The following SRRM4 variants were observed in gnomAD, a reference collection of about 807,000 sequenced individuals.
The protein encoded by SRRM4 is serine/arginine repetitive matrix 4, also known as serine/arginine repetitive matrix protein 4.
A neutral mutation model predicts 68.9 loss-of-function variants in SRRM4; 33 were observed. That is an observed-to-expected ratio of 0.48 (90% confidence interval 0.36 to 0.64). The LOEUF is 0.64. SRRM4 is among the 30% of genes least tolerant of loss of function. The pLI, the probability that SRRM4 is intolerant of heterozygous loss-of-function variation, is 0.00. For missense variants in SRRM4, 817 were observed against 827.1 expected, an observed-to-expected ratio of 0.99 and a Z score of 0.15; for synonymous variants, 318 against 318.8, an observed-to-expected ratio of 1.00 and a Z score of 0.03.
At chr12:119,088,471 A>G (rs1016248264) in intron 1 of SRRM4, among the ~76,000 whole-genome samples, 1 of 152,232 alleles carries the variant, frequency 6.6e-6, no homozygotes, top group Non-Finnish European at 1.5e-5. Context: ...AATTATAATA[A>G]TAAAACATTG....
rs1252138282 is a variant in SRRM4, at chr12:119,158,058, C to G, written c.*1260C>G. 3 of 152,780 alleles carry G rather than the reference C, an allele frequency of 2.0e-5. No homozygotes were observed. The highest frequency in any genetic ancestry group is 4.4e-5 in the Non-Finnish European group (3 of 68,174). The allele number at this position is 152,780 out of a possible 1,614,324, so 9.5% of individuals were successfully genotyped here. On this transcript the variant is annotated 3_prime_UTR_variant, in exon 13 of 13. Transcript: ENST00000267260. Reference sequence around the variant, plus strand: ...TTATTTTTGCCCTCACCCCAAGTCCCCCCTGGCTGGGGCTGGGCAGAGAGG... The same window carrying G: ...TTATTTTTGCCCTCACCCCAAGTCCGCCCTGGCTGGGGCTGGGCAGAGAGG...
In SRRM4 at chr12:119,114,313, C is replaced by T. The variant is rs1342010833; in HGVS notation, c.314C>T (p.Ser105Phe). 2 of 1,612,386 alleles carry T rather than the reference C, an allele frequency of 1.2e-6. No individual in the cohort carries two copies. Among genetic ancestry groups the T allele is most frequent in the Admixed American group, 3.3e-5 (2 of 59,806 alleles). Residue 105 changes from serine to phenylalanine, a missense_variant, in exon 3 of 13, where the codon TCC (serine) becomes TTC (phenylalanine). Physicochemically the swap from Ser to Phe is radical, Grantham distance 155. Transcript: ENST00000267260. ...GACAAAGACTTGACACCACCACCTTCCTCCAGGGGAAAGAAGAAAAAGAAG... is the reference window on the plus strand; with the variant it reads ...GACAAAGACTTGACACCACCACCTTTCTCCAGGGGAAAGAAGAAAAAGAAG... Reference protein sequence around the residue: ...SHDKDLTPPPSSRGKKKKKKS... With the variant: ...SHDKDLTPPPFSRGKKKKKKS...
chr12:119,094,755 G>C (rs61938015), intron 1 of SRRM4, among the ~76,000 whole-genome samples: 4 of 152,164 alleles, frequency 2.6e-5, no homozygotes, highest in Non-Finnish European at 5.9e-5. Flanking sequence ...CTCTATCAGA[G>C]AACTTCTTAT....
Position 119,007,116 on chromosome 12 carries a change from A to G in SRRM4, c.131+25103A>G, listed in dbSNP as rs74884589. Among the ~76,000 whole-genome samples the G allele has an allele frequency of 5.0e-3, 757 of 152,304 alleles. 14 individuals are homozygous for G. Among genetic ancestry groups the G allele is most frequent in the African/African-American group, 0.017 (715 of 41,560 alleles). Reference sequence around the variant, plus strand: ...TGACTTTGGCCTAACTGAGCTGTAGACTAGACCCTGGCCCACATCTTATCA... The same window carrying G: ...TGACTTTGGCCTAACTGAGCTGTAGGCTAGACCCTGGCCCACATCTTATCA... On this transcript the variant is annotated intron_variant, in intron 1 of 12. Coordinates refer to ENST00000267260, the MANE Select transcript of SRRM4 (RefSeq NM_194286.4).
At chr12:119,142,086 G>A (rs942544920) in intron 8 of SRRM4, among the ~76,000 whole-genome samples, 1 of 152,204 alleles carries the variant, frequency 6.6e-6, no homozygotes, top group African/African-American at 2.4e-5. Context: ...ACTCGAATCT[G>A]AATCAGTCAG....
At chr12:119,013,030 C>T (rs1485509772) in intron 1 of SRRM4, among the ~76,000 whole-genome samples, 1 of 152,182 alleles carries the variant, frequency 6.6e-6, no homozygotes, top group African/African-American at 2.4e-5. Flanking sequence ...AAGGTGAATG[C>T]TGGATCACCC....
chr12:119,011,955 T>C (rs1281401542), intron 1 of SRRM4, among the ~76,000 whole-genome samples: 1 of 152,132 alleles, frequency 6.6e-6, no homozygotes, highest in Non-Finnish European at 1.5e-5. Context: ...ACCTCATAGG[T>C]TGAATTTGAG....
At chr12:119,151,853 T>G (rs1438240745) in intron 10 of SRRM4, among the ~76,000 whole-genome samples, 2 of 152,216 alleles carry the variant, frequency 1.3e-5, no homozygotes, top group Admixed American at 6.5e-5. Flanking sequence ...GCTTCTAGGC[T>G]TGGAAGTAAT....
intron 1 of SRRM4, among the ~76,000 whole-genome samples, chr12:119,048,696 G>A (rs1294057630): frequency 6.6e-6 from 1 of 152,108 alleles, no homozygotes; most frequent in Non-Finnish European, 1.5e-5. Flanking sequence ...AGGCCGAGGT[G>A]GGCTGATCAC....
At chr12:119,148,107 T>C (rs1326054810) in intron 9 of SRRM4, among the ~76,000 whole-genome samples, 2 of 152,170 alleles carry the variant, frequency 1.3e-5, no homozygotes, top group Non-Finnish European at 2.9e-5. Flanking sequence ...CAGTGAGGTT[T>C]TTCTACTTCT....
At chr12:119,011,834 C>T (rs987240948) in intron 1 of SRRM4, among the ~76,000 whole-genome samples, 3 of 152,038 alleles carry the variant, frequency 2.0e-5, no homozygotes, top group African/African-American at 7.2e-5. Context: ...ATAGCTTGAG[C>T]CTTGGAATTG....
intron 1 of SRRM4, among the ~76,000 whole-genome samples, chr12:118,982,686 T>C (rs572974318): frequency 2.1e-5 from 3 of 141,202 alleles, no homozygotes; most frequent in African/African-American, 8.0e-5. Flanking sequence ...TTTGTTTTTT[T>C]TTTTTTTTTC....
intron 4 of SRRM4, among the ~76,000 whole-genome samples, chr12:119,117,878 C>T (rs1954191445): frequency 6.6e-6 from 1 of 152,160 alleles, no homozygotes; most frequent in Non-Finnish European, 1.5e-5. Context: ...CTCCATTGCA[C>T]TCCAGCCTGG....
chr12:119,008,969 G>A (rs771672876), intron 1 of SRRM4, among the ~76,000 whole-genome samples: 39 of 152,114 alleles, frequency 2.6e-4, no homozygotes, highest in Non-Finnish European at 4.1e-4. Context: ...TCCTCTCATT[G>A]CCACCGAGGG....
At chr12:119,007,579 G>T (rs1406138671) in intron 1 of SRRM4, among the ~76,000 whole-genome samples, 1 of 151,972 alleles carries the variant, frequency 6.6e-6, no homozygotes, top group East Asian at 1.9e-4. Flanking sequence ...TCTATTATAG[G>T]CATCTATCAA....
At chr12:119,146,907 G>T (rs540482639) in intron 9 of SRRM4, among the ~76,000 whole-genome samples, 2 of 151,712 alleles carry the variant, frequency 1.3e-5, no homozygotes, top group East Asian at 3.9e-4. Context: ...GTGCACTCCA[G>T]CCTGGGTGAC....
chr12:119,083,243 C>A (rs1455231785), intron 1 of SRRM4, among the ~76,000 whole-genome samples: 2 of 152,028 alleles, frequency 1.3e-5, no homozygotes, highest in Non-Finnish European at 2.9e-5. Context: ...ACTCATGGGA[C>A]CTGCGACTCC....
intron 1 of SRRM4, among the ~76,000 whole-genome samples, chr12:119,089,265 C>A (rs536426006): frequency 5.5e-4 from 84 of 152,268 alleles, no homozygotes; most frequent in Middle Eastern, 3.4e-3. Context: ...GGGAACCCAC[C>A]AATTGGTAGG....
At chr12:119,076,584 G>A (rs753340579) in intron 1 of SRRM4, among the ~76,000 whole-genome samples, 2 of 152,220 alleles carry the variant, frequency 1.3e-5, no homozygotes, top group Non-Finnish European at 2.9e-5. Context: ...AAGTTGTAAA[G>A]TAAGAAATGT....
Sources: gnomAD v4.1 joint callset for allele counts (sites outside exome capture counted in the v4.1 genomes callset) on GRCh38, gnomAD v4.1.1 for gene constraint, MANE v1.5 for transcripts, NCBI Gene and HGNC (gene_info 2026-07-23, HGNC 2026-07-21) for gene names.